The following TNFRSF11B variants were observed in gnomAD, a reference collection of about 807,000 sequenced individuals.
TNFRSF11B encodes the protein TNF receptor superfamily member 11b.
TNFRSF11B carries 16 observed loss-of-function variants against 43.4 expected under a neutral mutation model. That is an observed-to-expected ratio of 0.37 (90% confidence interval 0.25 to 0.56). The LOEUF is 0.56. TNFRSF11B is among the 20% of genes least tolerant of loss of function. The probability of loss-of-function intolerance (pLI) is 0.80; values close to 1 mark genes in which losing one functional copy is unlikely to be tolerated. For synonymous variants in TNFRSF11B, 185 were observed against 181.8 expected (o/e 1.02, Z -0.14); for missense variants, 444 against 490.1 (o/e 0.91, Z 0.89).
chr8:118,943,452 G>T (rs1812516127), intron 1 of TNFRSF11B, among the ~76,000 whole-genome samples: 1 of 152,006 alleles, frequency 6.6e-6, no homozygotes, highest in Admixed American at 6.6e-5. Context: ...GAAAACTCTG[G>T]GTTCAGGGTA....
chr8:118,928,110 A>G (rs111889145), intron 3 of TNFRSF11B, among the ~76,000 whole-genome samples: 5 of 151,862 alleles, frequency 3.3e-5, no homozygotes, highest in African/African-American at 1.2e-4. Flanking sequence ...TGCAACCTCC[A>G]TCTCCTGGGT....
At chr8:118,930,744 T>G (rs1812316631) in intron 2 of TNFRSF11B, 1 of 452,690 alleles carries the variant, frequency 2.2e-6, no homozygotes, top group Non-Finnish European at 4.4e-6. Flanking sequence ...GATACATATC[T>G]GTGGCTTGGG....
chr8:118,929,009 A>G, intron 2 of TNFRSF11B, 80 bp from the exon 3 acceptor site: 1 of 1,361,356 alleles, frequency 7.3e-7, no homozygotes, highest in South Asian at 1.2e-5. Flanking sequence ...AGTTTTGGAA[A>G]GACTTTTCAC....
At chr8:118,940,591 G>C (rs1204130623) in intron 1 of TNFRSF11B, among the ~76,000 whole-genome samples, 1 of 152,176 alleles carries the variant, frequency 6.6e-6, no homozygotes, top group Non-Finnish European at 1.5e-5. Flanking sequence ...ATAAGGGTCA[G>C]ACTATCATGA....
intron 1 of TNFRSF11B, among the ~76,000 whole-genome samples, chr8:118,947,165 T>C (rs1303871218): frequency 2.0e-5 from 3 of 152,220 alleles, no homozygotes; most frequent in East Asian, 3.8e-4. Context: ...TAGGGTGTTA[T>C]GTGTATCTTT....
intron 1 of TNFRSF11B, among the ~76,000 whole-genome samples, chr8:118,934,182 T>C (rs1258021054): frequency 6.6e-6 from 1 of 152,186 alleles, no homozygotes; most frequent in Non-Finnish European, 1.5e-5. Context: ...GGTATATGAT[T>C]ACAACAATCA....
Position 118,928,788 on chromosome 8 carries a change from T to A in TNFRSF11B, c.542A>T (p.His181Leu), listed in dbSNP as rs550681267. 36 of 1,614,224 alleles carry A rather than the reference T, an allele frequency of 2.2e-5. No individual in the cohort carries two copies. In the Admixed American group the frequency reaches 4.2e-4, roughly 19 times the overall value. Residue 181 changes from histidine to leucine, a missense_variant, in exon 3 of 5, where the codon CAC (histidine) becomes CTC (leucine). Transcript: ENST00000297350. ...LLLTQKGNAT[H>L]DNICSGNSES... is the part of the protein sequence containing the mutation. ...ACTGTTTCCGGAACATATGTTGTCG[T>A]GTGTTGCATTTCCTTTCTGAGTTAG...
intron 4 of TNFRSF11B, 51 bp from the exon 5 acceptor site, chr8:118,924,813 A>G (rs1471865168): frequency 1.9e-6 from 3 of 1,611,280 alleles, no homozygotes; most frequent in Non-Finnish European, 2.5e-6. Flanking sequence ...ATATTCATCC[A>G]ATGCCATCAT....
chr8:118,935,658 T>C (rs1258469897), intron 1 of TNFRSF11B, among the ~76,000 whole-genome samples: 2 of 152,130 alleles, frequency 1.3e-5, no homozygotes, highest in Non-Finnish European at 2.9e-5. Context: ...CAATTCTCAA[T>C]ATTATAAAAT....
intron 2 of TNFRSF11B, among the ~76,000 whole-genome samples, chr8:118,929,541 C>T (rs11573919): frequency 0.023 from 3,461 of 152,266 alleles, 132 homozygotes; most frequent in African/African-American, 0.079. Flanking sequence ...ACATAGTAAA[C>T]GGAAGATGAT....
chr8:118,927,289 G>T (rs1219465132), intron 3 of TNFRSF11B, among the ~76,000 whole-genome samples: 1 of 152,078 alleles, frequency 6.6e-6, no homozygotes, highest in Admixed American at 6.5e-5. Context: ...AGAGCATCTG[G>T]GTAGAGTAAG....
rs1812349412 is a variant in TNFRSF11B at position 118,932,951 on chromosome 8, C to T, written c.380G>A (p.Gly127Glu). The change falls in exon 2 of 5, where the codon GGA becomes GAA. Residue 127 changes from glycine to glutamate, a missense_variant. Coordinates refer to ENST00000297350, the MANE Select transcript of TNFRSF11B (RefSeq NM_002546.4). ...FCLKHRSCPP[G>E]FGVVQAGTPE... ...CGTACCAGCTTGCACCACTCCAAATCCAGGAGGGCAGCTCCTATGTTTCAA... is the reference window on the plus strand; with the variant it reads ...CGTACCAGCTTGCACCACTCCAAATTCAGGAGGGCAGCTCCTATGTTTCAA... The T allele has an allele frequency of 1.2e-6, 2 of 1,614,074 alleles. No individual in the cohort carries two copies. The highest frequency in any genetic ancestry group is 1.7e-6 in the Non-Finnish European group (2 of 1,180,054).
intron 2 of TNFRSF11B, among the ~76,000 whole-genome samples, chr8:118,930,218 C>T (rs1472372315): frequency 1.3e-5 from 2 of 152,218 alleles, no homozygotes; most frequent in Admixed American, 6.5e-5. Context: ...TTTCCTACTA[C>T]ATCCTACTCC....
intron 2 of TNFRSF11B, among the ~76,000 whole-genome samples, chr8:118,931,497 T>G (rs1380122348): frequency 1.5e-4 from 23 of 152,210 alleles, no homozygotes; most frequent in Admixed American, 1.5e-3. Flanking sequence ...TACAACTTAC[T>G]GAATGAATTA....
At chr8:118,939,027 A>G (rs1812442292) in intron 1 of TNFRSF11B, among the ~76,000 whole-genome samples, 1 of 152,198 alleles carries the variant, frequency 6.6e-6, no homozygotes, top group South Asian at 2.1e-4. Context: ...GCCACAAAGA[A>G]CTATTTGAGG....
chr8:118,941,705 TTAAC>T (rs1429868037), intron 1 of TNFRSF11B, among the ~76,000 whole-genome samples: 1 of 152,002 alleles, frequency 6.6e-6, no homozygotes, highest in Non-Finnish European at 1.5e-5. Context: ...ATTTGACAGA[TTAAC>T]AAATGAAGGC....
At chr8:118,939,355 A>G (rs1404119579) in intron 1 of TNFRSF11B, among the ~76,000 whole-genome samples, 1 of 152,232 alleles carries the variant, frequency 6.6e-6, no homozygotes, top group Non-Finnish European at 1.5e-5. Flanking sequence ...AGTTAATGTA[A>G]GCATGCATCC....
At chr8:118,938,651 T>C (rs1451507717) in intron 1 of TNFRSF11B, among the ~76,000 whole-genome samples, 1 of 152,198 alleles carries the variant, frequency 6.6e-6, no homozygotes, top group East Asian at 1.9e-4. Flanking sequence ...TCACCAGTGT[T>C]AGGAGATCAA....
At chr8:118,945,209 C>T (rs3102730) in intron 1 of TNFRSF11B, among the ~76,000 whole-genome samples, 14,181 of 152,068 alleles carry the variant, frequency 0.093, 830 homozygotes, top group African/African-American at 0.17. Flanking sequence ...TTAAAACATT[C>T]CTATAATGTT....
Sources: allele counts gnomAD v4.1 joint callset (sites outside exome capture counted in the v4.1 genomes callset), GRCh38; gene constraint gnomAD v4.1.1; transcripts MANE v1.5; gene names NCBI Gene and HGNC (gene_info 2026-07-23, HGNC 2026-07-21).